Variants in MAP2K3 observed in about 807,000 individuals in gnomAD.
MAP2K3 encodes mitogen-activated protein kinase kinase 3.
MAP2K3 carries 30 observed loss-of-function variants against 46.4 expected under a neutral mutation model. That is an observed-to-expected ratio of 0.65 (90% confidence interval 0.48 to 0.88). The LOEUF is 0.88. Among genes scored for constraint, MAP2K3 ranks in the 40% least tolerant of loss-of-function variants. The pLI is 0.00. For missense variants in MAP2K3, 380 were observed against 464.5 expected (o/e 0.82, Z 1.67); for synonymous variants, 189 against 176.3 (o/e 1.07, Z -0.57).
intron 1 of MAP2K3, among the ~76,000 whole-genome samples, chr17:21,293,309 G>C (rs981358346): frequency 4.7e-5 from 7 of 148,768 alleles, no homozygotes; most frequent in African/African-American, 1.8e-4. Flanking sequence ...GTCCTCCCGT[G>C]TTGCCTCCTT....
chr17:21,298,853 C>T (rs1976421202), intron 2 of MAP2K3, 25 bp from the exon 3 acceptor site: 2 of 1,614,294 alleles, frequency 1.2e-6, no homozygotes, highest in African/African-American at 1.3e-5. Flanking sequence ...CTCTCTGAAG[C>T]TCACGGAGTC....
At chr17:21,291,851 C>T in intron 1 of MAP2K3, 1 of 337,900 alleles carries the variant, frequency 3.0e-6, no homozygotes, top group Non-Finnish European at 5.8e-6. Context: ...GGGAGCATGG[C>T]TTTGTCTTTA....
intron 1 of MAP2K3, among the ~76,000 whole-genome samples, chr17:21,287,744 G>A (rs1018793924): frequency 7.9e-5 from 12 of 152,240 alleles, no homozygotes; most frequent in African/African-American, 2.2e-4. Context: ...TCCTGTTGTC[G>A]TTCAGAACAT....
intron 1 of MAP2K3, among the ~76,000 whole-genome samples, chr17:21,290,866 G>A (rs1452447425): frequency 1.3e-5 from 2 of 152,428 alleles, no homozygotes; most frequent in East Asian, 1.9e-4. Flanking sequence ...TGGGAGGATC[G>A]TTTGTGCCTG....
intron 10 of MAP2K3, 57 bp from the exon 11 acceptor site, chr17:21,313,435 T>G: frequency 2.6e-6 from 4 of 1,536,268 alleles, no homozygotes; most frequent in Non-Finnish European, 3.6e-6. Flanking sequence ...TGGCTGGCCC[T>G]TGGGGGCTGG....
rs567927037 is a variant in MAP2K3, at chr17:21,284,742, C to T, written c.-179C>T. 1.0e-5 allele frequency: 6 copies of T among 576,776 alleles called. 1 individual carries two copies. The highest frequency in any genetic ancestry group is 7.2e-5 in the East Asian group (2 of 27,902). The allele number at this position is 576,776 out of a possible 1,614,324, so 35.7% of individuals were successfully genotyped here. A position where few individuals can be genotyped will look rare whatever the true frequency, so the allele number is the denominator to read the frequency against. ...TCTCCGGCGCCGCCCGTCGCGGACTCGTCCTTGCTGCAGTCGCCGCCGCAG... is the reference window on the plus strand; with the variant it reads ...TCTCCGGCGCCGCCCGTCGCGGACTTGTCCTTGCTGCAGTCGCCGCCGCAG... On this transcript the variant is annotated 5_prime_UTR_variant, in exon 1 of 12. Transcript: ENST00000342679.
intron 1 of MAP2K3, 63 bp from the exon 2 acceptor site, chr17:21,298,350 G>A (rs1227559104): frequency 6.2e-7 from 1 of 1,607,580 alleles, no homozygotes; most frequent in South Asian, 1.1e-5. Context: ...GATGGCTCAT[G>A]GGAGTGCAGG....
chr17:21,302,612 A>G (rs1456943558), intron 6 of MAP2K3, among the ~76,000 whole-genome samples: 1 of 152,312 alleles, frequency 6.6e-6, no homozygotes, highest in Non-Finnish European at 1.5e-5. Flanking sequence ...TCACAGAGGT[A>G]CAAGCTAAGT....
Position 21,313,483 on chromosome 17 carries a change from C to T in MAP2K3, c.915-9C>T. 6.2e-7 allele frequency: 1 copy of T among 1,612,442 alleles called. No individual in the cohort carries two copies. Among genetic ancestry groups the T allele is most frequent in the South Asian group, 1.1e-5 (1 of 90,910 alleles). ...CCAGCCTGGCCACAGCTGCACTATT[C>T]TCTCCTAGCCTGAGGAAGAACCCCG... is the stretch of plus-strand genomic sequence containing the variant. On this transcript the variant is annotated splice_polypyrimidine_tract_variant and intron_variant, in intron 10 of 11. Coordinates refer to ENST00000342679, the MANE Select transcript of MAP2K3 (RefSeq NM_145109.3).
At chr17:21,286,417 T>C (rs1208086659) in intron 1 of MAP2K3, among the ~76,000 whole-genome samples, 2 of 152,236 alleles carry the variant, frequency 1.3e-5, no homozygotes, top group African/African-American at 4.8e-5. Flanking sequence ...GCATGGGCTC[T>C]TCCTGGCCCC....
At chr17:21,303,147 G>A in intron 6 of MAP2K3, 36 bp from the exon 7 acceptor site, 1 of 1,613,918 alleles carries the variant, frequency 6.2e-7, no homozygotes. Context: ...GAATAACAGA[G>A]TCCTGTCTCT....
intron 1 of MAP2K3, among the ~76,000 whole-genome samples, chr17:21,289,133 A>T (rs1975809069): frequency 6.6e-6 from 1 of 152,218 alleles, no homozygotes; most frequent in Admixed American, 6.5e-5. Context: ...TCTTGGCTGT[A>T]GGGTCCTTTC....
chr17:21,301,621 C>A (rs1237887744), intron 5 of MAP2K3, among the ~76,000 whole-genome samples: 19 of 152,276 alleles, frequency 1.2e-4, no homozygotes, highest in African/African-American at 4.3e-4. Context: ...ATGAAGAGCT[C>A]AGCATCCTCT....
chr17:21,302,499 A>G (rs1976664837), intron 6 of MAP2K3, among the ~76,000 whole-genome samples: 1 of 152,312 alleles, frequency 6.6e-6, no homozygotes, highest in East Asian at 1.9e-4. Context: ...TGGCAGATCC[A>G]GGTGTCTGAG....
At chr17:21,296,324 C>A in intron 1 of MAP2K3, 4 of 597,092 alleles carry the variant, frequency 6.7e-6, no homozygotes, top group Non-Finnish European at 1.1e-5. Context: ...CCACTCCAAG[C>A]CCAGAGCCTC....
At position 21,303,165 on chromosome 17, in the gene MAP2K3, TC is replaced by T. The variant is rs1976701153; in HGVS notation, c.517-14del. ...TAACAGAGTCCTGTCTCTTCCCTCC[TC>T]CCCACCCCACCGCCAGATCGTGCGG... On this transcript the variant is annotated splice_polypyrimidine_tract_variant and intron_variant, in intron 6 of 11. Transcript: ENST00000342679. 1.2e-6 allele frequency: 2 copies of T among 1,609,518 alleles called. No individual in the cohort carries two copies. Among genetic ancestry groups the T allele is most frequent in the Admixed American group, 1.7e-5 (1 of 59,978 alleles).
intron 1 of MAP2K3, among the ~76,000 whole-genome samples, chr17:21,292,079 T>G (rs1269395068): frequency 1.3e-5 from 2 of 152,312 alleles, no homozygotes; most frequent in African/African-American, 4.8e-5. Flanking sequence ...CCCTGGTGCG[T>G]CACCTCAGGC....
chr17:21,302,004 G>T (rs1302349257), intron 5 of MAP2K3, 139 bp from the exon 6 acceptor site: 3 of 826,330 alleles, frequency 3.6e-6, no homozygotes, highest in Middle Eastern at 3.2e-4. Context: ...GTGGGTGGGA[G>T]CCCGGTGAAC....
intron 1 of MAP2K3, 161 bp from the exon 2 acceptor site, chr17:21,298,252 C>T (rs1041717006): frequency 8.4e-5 from 88 of 1,044,016 alleles, no homozygotes; most frequent in Non-Finnish European, 1.2e-4. Context: ...CCTCCTTCCC[C>T]CTTTGAAGGC....
Sources: gnomAD v4.1 joint callset for allele counts (sites outside exome capture counted in the v4.1 genomes callset) on GRCh38, gnomAD v4.1.1 for gene constraint, MANE v1.5 for transcripts, NCBI Gene and HGNC (gene_info 2026-07-23, HGNC 2026-07-21) for gene names.